The following IQCH variants were observed in gnomAD, a reference collection of about 807,000 sequenced individuals.
The protein encoded by IQCH is IQ domain-containing protein H.
A neutral mutation model predicts 117.0 loss-of-function variants in IQCH; 98 were observed. The ratio of observed to expected loss-of-function variants is 0.84; its 90% CI spans 0.71 to 0.99. The LOEUF (loss-of-function observed/expected upper bound fraction) is 0.99. IQCH is among the 50% of genes least tolerant of loss of function. IQCH has a pLI of 0.00. For missense variants in IQCH, 1,102 were observed against 1,243.8 expected, an observed-to-expected ratio of 0.89 and a Z score of 1.72; for synonymous variants, 412 against 448.2, an observed-to-expected ratio of 0.92 and a Z score of 1.02.
chr15:67,351,878 T>C (rs769389867), intron 6 of IQCH, among the ~76,000 whole-genome samples: 2 of 152,304 alleles, frequency 1.3e-5, no homozygotes, highest in Non-Finnish European at 2.9e-5. Context: ...AGTCTGTCTT[T>C]TATAAATAGT....
intron 1 of IQCH, among the ~76,000 whole-genome samples, chr15:67,258,485 C>T (rs914070892): frequency 2.4e-4 from 36 of 149,016 alleles, no homozygotes; most frequent in African/African-American, 8.4e-4. Context: ...GAGCCAAGAT[C>T]GCGCCATTGC....
intron 10 of IQCH, among the ~76,000 whole-genome samples, chr15:67,383,141 C>T (rs1168183600): frequency 6.6e-6 from 1 of 152,192 alleles, no homozygotes; most frequent in African/African-American, 2.4e-5. Context: ...GTTTTGGAAA[C>T]ATCCATACCT....
In IQCH at chr15:67,316,729, G is replaced by A. The variant is rs190749942; in HGVS notation, c.388-20246G>A. ...CATTTGGGGAAACTGAGGCAAAAAA[G>A]CAGTTAAATAAAATTCACCCAAAGT... On this transcript the variant is annotated intron_variant, in intron 4 of 20. Coordinates refer to ENST00000335894, the MANE Select transcript of IQCH (RefSeq NM_001031715.3). Among the ~76,000 whole-genome samples the A allele has an allele frequency of 7.2e-5, 11 of 152,164 alleles. No individual in the cohort carries two copies. In the East Asian group the frequency reaches 1.9e-3, roughly 27 times the overall value.
rs1340251294 is a variant in IQCH at position 67,364,698 on chromosome 15, C to T, written c.753+4813C>T. On this transcript the variant is annotated intron_variant, in intron 8 of 20. Coordinates refer to ENST00000335894, the MANE Select transcript of IQCH (RefSeq NM_001031715.3). The surrounding 1 kb of genome is among the most constrained non-coding windows in gnomAD (Gnocchi z 4.1). ...AAAAAAAGTATAGAAGGATTTTTTT[C>T]CCCATATCACAATCCTTTGGTACTA... Among the ~76,000 whole-genome samples the T allele has an allele frequency of 6.6e-6, 1 of 151,938 alleles. No individual in the cohort carries two copies. The highest frequency in any genetic ancestry group is 6.6e-5 in the Admixed American group (1 of 15,262).
In IQCH at chr15:67,407,359, T is replaced by C. The variant is rs1352612555; in HGVS notation, c.2097+7054T>C. 1.3e-5 allele frequency: 2 copies of C among 152,148 alleles called. No homozygotes were observed. Among genetic ancestry groups the C allele is most frequent in the Non-Finnish European group, 2.9e-5 (2 of 68,010 alleles). The allele number at this position is 152,148 out of a possible 1,614,324, so 9.4% of individuals were successfully genotyped here. On this transcript the variant is annotated intron_variant, in intron 14 of 20. Transcript: ENST00000335894. This position sits in a 1 kb window ranked among gnomAD's most constrained non-coding sequence, Gnocchi z 5.3. ...GTGTAGCAGCACGTCACCACAATCA[T>C]TGGAAAGTCTTAATCATTTACATAT...
In IQCH at chr15:67,338,197, A is replaced by ATCTG. The variant is rs1183982852; in HGVS notation, c.508+1110_508+1113dup. ...AGTGAATGAATGAATGAATCGATAT[A>ATCTG]TCTGTCTGTCTATCTATCTATCTAT... On this transcript the variant is annotated intron_variant, in intron 5 of 20. Transcript: ENST00000335894. Among the ~76,000 whole-genome samples, 320 of 143,906 alleles carry ATCTG rather than the reference A, an allele frequency of 2.2e-3. 2 individuals carry two copies. The highest frequency in any genetic ancestry group is 3.6e-3 in the Non-Finnish European group (240 of 66,140). 94.4% of individuals were successfully genotyped at this position (143,906 alleles called of 152,430 possible).
In IQCH at chr15:67,381,120, C is replaced by T. The variant is rs1055594052; in HGVS notation, c.1373-3816C>T. 1.3e-5 allele frequency among the ~76,000 whole-genome samples: 2 copies of T among 152,184 alleles called. No homozygotes were observed. The highest frequency in any genetic ancestry group is 2.9e-5 in the Non-Finnish European group (2 of 68,042). On this transcript the variant is annotated intron_variant, in intron 10 of 20. Coordinates refer to ENST00000335894, the MANE Select transcript of IQCH (RefSeq NM_001031715.3). The surrounding 1 kb of genome is among the most constrained non-coding windows in gnomAD (Gnocchi z 5.1). The stretch of plus-strand genomic sequence containing the variant: ...CTCAGTCACTCAGTGTGGCCTTGCT[C>T]ATGTTCTTGGGTTTCTGTGGTTACT...
intron 3 of IQCH, among the ~76,000 whole-genome samples, chr15:67,264,606 G>A (rs1032839373): frequency 5.3e-5 from 8 of 152,314 alleles, no homozygotes; most frequent in African/African-American, 1.7e-4. Flanking sequence ...GTGGAAAAGA[G>A]TGCCCTAGAT....
intron 5 of IQCH, among the ~76,000 whole-genome samples, chr15:67,343,074 A>T (rs189967929): frequency 2.2e-4 from 34 of 152,322 alleles, no homozygotes; most frequent in African/African-American, 7.5e-4. Context: ...CTGAATTCCT[A>T]TAACACTAGA....
At chr15:67,469,717 C>T (rs987812212) in intron 17 of IQCH, among the ~76,000 whole-genome samples, 15 of 152,338 alleles carry the variant, frequency 9.8e-5, no homozygotes, top group African/African-American at 1.4e-4. Flanking sequence ...TACTCCACCC[C>T]GAGTACTTTA....
At chr15:67,347,826 T>G (rs1423688034) in intron 6 of IQCH, among the ~76,000 whole-genome samples, 1 of 114,712 alleles carries the variant, frequency 8.7e-6, no homozygotes, top group East Asian at 2.1e-4. Flanking sequence ...TATATATTTA[T>G]ATATAGATAT....
chr15:67,372,127 C>T lies in IQCH; in HGVS notation c.770C>T (p.Thr257Ile). Reference sequence around the variant, plus strand: ...TTTCCACAGGCCATGAAAGTCAAAACACCTTTGAGAGCCCTGAAATCACTG... The same window carrying T: ...TTTCCACAGGCCATGAAAGTCAAAATACCTTTGAGAGCCCTGAAATCACTG... ...HHDRKAMKVKTPLRALKSLWD... is the reference protein window; with the variant it reads ...HHDRKAMKVKIPLRALKSLWD... The change falls in exon 9 of 21, where the codon ACA (threonine) becomes ATA (isoleucine). Residue 257 changes from threonine (T) to isoleucine (I), a missense_variant. Physicochemically the swap from Thr to Ile is moderately conservative, Grantham distance 89 (BLOSUM62 -1). This residue lies in a region of IQCH where 452 missense variants were observed against 449.6 expected (regional missense o/e 1.01). Transcript: ENST00000335894. 1 of 1,602,712 alleles carries T rather than the reference C, an allele frequency of 6.2e-7. No individual in the cohort carries two copies. Among genetic ancestry groups the T allele is most frequent in the Non-Finnish European group, 8.5e-7 (1 of 1,175,910 alleles).
In IQCH at chr15:67,404,073, T is replaced by A. The variant is rs1596316116; in HGVS notation, c.2097+3768T>A. The A allele has an allele frequency of 6.6e-6, 1 of 152,356 alleles. No homozygotes were observed. The highest frequency in any genetic ancestry group is 2.4e-5 in the African/African-American group (1 of 41,600). 9.4% of individuals were successfully genotyped at this position (152,356 alleles called of 1,614,324 possible). A position where few individuals can be genotyped will look rare whatever the true frequency, so the allele number is the denominator to read the frequency against. The stretch of plus-strand genomic sequence containing the variant: ...CTAGTAAACATTGCTATTTTAGCCC[T>A]TTGCAAGAGCAGTTTTACCTTTATT... On this transcript the variant is annotated intron_variant, in intron 14 of 20. Transcript: ENST00000335894. This position sits in a 1 kb window ranked among gnomAD's most constrained non-coding sequence, Gnocchi z 4.6.
chr15:67,421,113 T>C (rs1344668585), intron 15 of IQCH, 178 bp from the exon 16 acceptor site: 1 of 607,962 alleles, frequency 1.6e-6, no homozygotes, highest in East Asian at 2.8e-5. Flanking sequence ...ATCTCCAAGA[T>C]GCACAACAAT....
At chr15:67,361,819 A>G (rs1195672731) in intron 8 of IQCH, among the ~76,000 whole-genome samples, 4 of 152,252 alleles carry the variant, frequency 2.6e-5, no homozygotes, top group East Asian at 3.8e-4. Context: ...AGTTATTTCA[A>G]TAAATCTGAG....
rs1248429791 is a variant in IQCH, at chr15:67,401,828, T to G, written c.2097+1523T>G. On this transcript the variant is annotated intron_variant, in intron 14 of 20. Transcript: ENST00000335894. The surrounding 1 kb of genome is among the most constrained non-coding windows in gnomAD (Gnocchi z 4.7). ...AAAATGTATTTAATTTTGAGGCCCA[T>G]AGAGATTTCCCTTATATTCTCTTTG... 6.6e-6 allele frequency among the ~76,000 whole-genome samples: 1 copy of G among 152,216 alleles called. No individual in the cohort carries two copies. The highest frequency in any genetic ancestry group is 1.5e-5 in the Non-Finnish European group (1 of 68,030).
At chr15:67,343,751 T>C (rs561683440) in intron 5 of IQCH, among the ~76,000 whole-genome samples, 3 of 152,216 alleles carry the variant, frequency 2.0e-5, no homozygotes, top group Non-Finnish European at 4.4e-5. Context: ...TTACCAATGA[T>C]TGAAAATATC....
Position 67,369,470 on chromosome 15 carries a change from G to GGA in IQCH, c.754-2640_754-2639dup, listed in dbSNP as rs544140161. 1.9e-3 allele frequency among the ~76,000 whole-genome samples: 289 copies of GGA among 151,020 alleles called. 1 individual carries two copies. Among genetic ancestry groups the GGA allele is most frequent in the Non-Finnish European group, 2.9e-3 (197 of 67,884 alleles). On this transcript the variant is annotated intron_variant, in intron 8 of 20. Coordinates refer to ENST00000335894, the MANE Select transcript of IQCH (RefSeq NM_001031715.3). The surrounding 1 kb of genome is among the most constrained non-coding windows in gnomAD (Gnocchi z 5.2). ...AGTACAGCACATCTTAAAAAAGGAGGGAAAGAGAGAGGAAGGAAGAGAAAA... is the reference window on the plus strand; with the variant it reads ...AGTACAGCACATCTTAAAAAAGGAGGGAGAAAGAGAGAGGAAGGAAGAGAAAA...
chr15:67,324,407 C>T (rs184803499), intron 4 of IQCH, among the ~76,000 whole-genome samples: 1 of 151,420 alleles, frequency 6.6e-6, no homozygotes, highest in Non-Finnish European at 1.5e-5. Context: ...GTCCAGAGTT[C>T]GAGACCAACC....
Sources: gnomAD v4.1 joint callset for allele counts (sites outside exome capture counted in the v4.1 genomes callset) on GRCh38, gnomAD v4.1.1 for gene constraint, gnomAD v4.1.1 regional missense constraint, Gnocchi (gnomAD v3.1) non-coding constraint, MANE v1.5 for transcripts, NCBI Gene and HGNC (gene_info 2026-07-23, HGNC 2026-07-21) for gene names.